ESRRB: variants seen among roughly 807,000 people sequenced by gnomAD.
ESRRB encodes the protein estrogen related receptor beta.
In ESRRB, 16 loss-of-function variants were observed where a neutral mutation model predicts 46.0. The observed-to-expected ratio is 0.35, with a 90% CI of 0.24 to 0.53. The LOEUF is 0.53. Ranked by LOEUF, ESRRB falls within the 20% of genes least tolerant of loss-of-function variation. ESRRB has a pLI of 0.93. For missense variants in ESRRB, 488 were observed against 607.4 expected (o/e 0.80, Z 2.07); for synonymous variants, 246 against 259.6 (o/e 0.95, Z 0.50).
chr14:76,462,296 C>T lies in ESRRB; in HGVS notation c.461-249C>T, dbSNP rs141826409. On this transcript the variant is annotated intron_variant, in intron 2 of 6. Coordinates refer to ENST00000644823, the MANE Select transcript of ESRRB (RefSeq NM_001379180.1). ...TCCCTGCCCAGAAGTGGCTTCAACA[C>T]TGTGGGTGGCCATCCTCTGGAGAGT... 5.5e-3 allele frequency among the ~76,000 whole-genome samples: 840 copies of T among 152,354 alleles called. 9 individuals carry two copies. Among genetic ancestry groups the T allele is most frequent in the African/African-American group, 0.019 (796 of 41,574 alleles).
chr14:76,370,654 G>C (rs1884600785), upstream of ESRRB, among the ~76,000 whole-genome samples: 1 of 151,900 alleles, frequency 6.6e-6, no homozygotes. Context: ...TTTTCTCTTT[G>C]TGCTTCTCCT....
At position 76,324,946 on chromosome 14, in the gene ESRRB, C is replaced by CTTTTCT. The variant is rs1393856970; in HGVS notation, c.2+14047_2+14052dup. Among the ~76,000 whole-genome samples, 291 of 139,676 alleles carry CTTTTCT rather than the reference C, an allele frequency of 2.1e-3. 9 individuals carry two copies. The highest frequency in any genetic ancestry group is 0.011 in the Middle Eastern group (3 of 276). 91.6% of individuals were successfully genotyped at this position (139,676 alleles called of 152,430 possible). A position where few individuals can be genotyped will look rare whatever the true frequency, so the allele number is the denominator to read the frequency against. On this transcript the variant is annotated intron_variant, in intron 1 of 6. Transcript: ENST00000512784. ...ATCACCTGTTACAAAGCGGCACTTT[C>CTTTTCT]TTTTCTTTTTCTTTTTCTTTTTTTT...
At chr14:76,440,636 T>C (rs1566900287) in intron 2 of ESRRB, among the ~76,000 whole-genome samples, 1 of 151,868 alleles carries the variant, frequency 6.6e-6, no homozygotes, top group Non-Finnish European at 1.5e-5. Flanking sequence ...GTTTGACCTA[T>C]CTTTTAAGAC....
chr14:76,318,922 A>G (rs1187917733), intron 1 of ESRRB, among the ~76,000 whole-genome samples: 1 of 152,214 alleles, frequency 6.6e-6, no homozygotes, highest in African/African-American at 2.4e-5. Flanking sequence ...ACATGTGTGC[A>G]CAAGCATCTA....
chr14:76,500,478 CA>C lies in ESRRB; in HGVS notation c.*2021del. On this transcript the variant is annotated 3_prime_UTR_variant, in exon 7 of 7. Coordinates refer to ENST00000644823, the MANE Select transcript of ESRRB (RefSeq NM_001379180.1). Reference sequence around the variant, plus strand: ...CACCAGCTACAAACCAAGTCTAGCACAGTGTTTAGAGGCTCTGCCCTGAGGT... The same window carrying C: ...CACCAGCTACAAACCAAGTCTAGCACGTGTTTAGAGGCTCTGCCCTGAGGT... 1.6e-6 allele frequency: 1 copy of C among 609,962 alleles called. No homozygotes were observed. Among genetic ancestry groups the C allele is most frequent in the Non-Finnish European group, 2.9e-6 (1 of 342,330 alleles). The allele number at this position is 609,962 out of a possible 1,614,324, so 37.8% of individuals were successfully genotyped here.
chr14:76,382,683 T>C (rs1885063772), intron 1 of ESRRB, among the ~76,000 whole-genome samples: 1 of 152,170 alleles, frequency 6.6e-6, no homozygotes, highest in Non-Finnish European at 1.5e-5. Flanking sequence ...TGGAAAAAAA[T>C]TATTGGCCAA....
At chr14:76,468,052 C>T (rs758816820) in intron 3 of ESRRB, among the ~76,000 whole-genome samples, 10 of 152,248 alleles carry the variant, frequency 6.6e-5, no homozygotes, top group South Asian at 4.1e-4. Flanking sequence ...AGGGCTCCTC[C>T]GGGGATTCTG....
At chr14:76,456,183 T>A (rs1319594263) in intron 2 of ESRRB, among the ~76,000 whole-genome samples, 3 of 152,202 alleles carry the variant, frequency 2.0e-5, no homozygotes, top group Non-Finnish European at 4.4e-5. Context: ...TGCCTGACAC[T>A]TTCTGAGGTT....
At chr14:76,399,167 C>T (rs528351204) in intron 1 of ESRRB, among the ~76,000 whole-genome samples, 8 of 152,068 alleles carry the variant, frequency 5.3e-5, no homozygotes, top group Non-Finnish European at 7.4e-5. Context: ...ATGAGGGAGA[C>T]GGGGGTGGCT....
At chr14:76,340,753 G>C (rs914933262) in intron 1 of ESRRB, among the ~76,000 whole-genome samples, 1 of 152,216 alleles carries the variant, frequency 6.6e-6, no homozygotes, top group South Asian at 2.1e-4. Flanking sequence ...CAAACCATGA[G>C]GGAGGACAAA....
At chr14:76,421,461 G>T (rs1886950401) in intron 1 of ESRRB, among the ~76,000 whole-genome samples, 1 of 152,196 alleles carries the variant, frequency 6.6e-6, no homozygotes. Flanking sequence ...TGCTTAAAAA[G>T]AAAGGAAATG....
At chr14:76,367,585 A>G (rs1884538510), upstream of ESRRB, among the ~76,000 whole-genome samples, 1 of 151,536 alleles carries the variant, frequency 6.6e-6, no homozygotes, top group Non-Finnish European at 1.5e-5. Flanking sequence ...CACGCCACGA[A>G]GCAGTACACA....
In ESRRB at chr14:76,376,307, C is replaced by T; in HGVS notation, c.-95C>T. ...GCGTTCTCGCGCTCACTGTGCCCTG[C>T]CCGGGCTCGCACCTTGCCCGTGCCC... On this transcript the variant is annotated 5_prime_UTR_variant, in exon 1 of 7. Coordinates refer to ENST00000644823, the MANE Select transcript of ESRRB (RefSeq NM_001379180.1). This position sits in a 1 kb window ranked among gnomAD's most constrained non-coding sequence, Gnocchi z 4.1. 1 of 998,918 alleles carries T rather than the reference C, an allele frequency of 1.0e-6. No individual in the cohort carries two copies. Among genetic ancestry groups the T allele is most frequent in the Non-Finnish European group, 1.3e-6 (1 of 775,580 alleles). The allele number at this position is 998,918 out of a possible 1,614,324, so 61.9% of individuals were successfully genotyped here.
intron 1 of ESRRB, among the ~76,000 whole-genome samples, chr14:76,355,736 T>C (rs572502686): frequency 8.5e-4 from 129 of 152,318 alleles, no homozygotes; most frequent in Non-Finnish European, 1.2e-4. Flanking sequence ...TATGTGAGAC[T>C]GTATACATCA....
Position 76,467,225 on chromosome 14 carries a change from G to T in ESRRB, c.577+4564G>T, listed in dbSNP as rs11846642. On this transcript the variant is annotated intron_variant, in intron 3 of 6. Coordinates refer to ENST00000644823, the MANE Select transcript of ESRRB (RefSeq NM_001379180.1). ...TACTCCAGTGTTGGATTCAGGCTGG[G>T]TGCGGTGGCTCATGCCTGTAATCCC... 4.9e-3 allele frequency among the ~76,000 whole-genome samples: 750 copies of T among 152,110 alleles called. 6 individuals are homozygous for T. Among genetic ancestry groups the T allele is most frequent in the African/African-American group, 0.017 (723 of 41,514 alleles).
chr14:76,402,146 G>T (rs535554308), intron 1 of ESRRB, among the ~76,000 whole-genome samples: 32 of 152,302 alleles, frequency 2.1e-4, no homozygotes, highest in Non-Finnish European at 3.5e-4. Flanking sequence ...TGATTGCACA[G>T]GGCAACCTGC....
At chr14:76,322,782 G>A (rs1481367835) in intron 1 of ESRRB, among the ~76,000 whole-genome samples, 1 of 152,106 alleles carries the variant, frequency 6.6e-6, no homozygotes, top group Non-Finnish European at 1.5e-5. Flanking sequence ...TACCGCCTTG[G>A]GCAGCTGGCC....
At chr14:76,350,653 G>A (rs1246770487) in intron 1 of ESRRB, among the ~76,000 whole-genome samples, 1 of 152,228 alleles carries the variant, frequency 6.6e-6, no homozygotes, top group Non-Finnish European at 1.5e-5. Context: ...CCCAGAGCCT[G>A]AAGCCCTCTG....
chr14:76,424,465 A>G (rs576523187), intron 1 of ESRRB, among the ~76,000 whole-genome samples: 57 of 152,304 alleles, frequency 3.7e-4, no homozygotes, highest in African/African-American at 1.3e-3. Context: ...GGCCATGGCC[A>G]TGACCAGGGA....
Sources: allele counts gnomAD v4.1 joint callset (sites outside exome capture counted in the v4.1 genomes callset), GRCh38; gene constraint gnomAD v4.1.1; non-coding constraint Gnocchi (gnomAD v3.1); transcripts MANE v1.5; gene names NCBI Gene and HGNC (gene_info 2026-07-23, HGNC 2026-07-21).